NXPH1: variants seen among roughly 807,000 people sequenced by gnomAD.
NXPH1 encodes neurexophilin 1.
In NXPH1, 5 loss-of-function variants were observed where a neutral mutation model predicts 23.7. The observed-to-expected ratio is 0.21, with a 90% confidence interval of 0.11 to 0.44. The LOEUF (loss-of-function observed/expected upper bound fraction) is 0.44. NXPH1 is among the 20% of genes least tolerant of loss of function. NXPH1 has a pLI of 0.99. For synonymous variants in NXPH1, 144 were observed against 122.2 expected, an observed-to-expected ratio of 1.18 and a Z score of -1.18; for missense variants, 324 against 321.6, an observed-to-expected ratio of 1.01 and a Z score of -0.06.
At chr7:8,691,842 A>G (rs1484013822) in intron 2 of NXPH1, among the ~76,000 whole-genome samples, 1 of 152,222 alleles carries the variant, frequency 6.6e-6, no homozygotes, top group Non-Finnish European at 1.5e-5. Flanking sequence ...AACAGTTTAT[A>G]AACCATCAGA....
intron 2 of NXPH1, among the ~76,000 whole-genome samples, chr7:8,655,397 TCTTTCTCTCTCTCTCTCTCTCTC>T (rs1820558803): frequency 3.1e-4 from 3 of 9,550 alleles, no homozygotes. Context: ...TTTGTCTTTG[TCTTTCTCTCTCTCTCTCTCTCTC>T]TCTCTCTCTC....
intron 2 of NXPH1, among the ~76,000 whole-genome samples, chr7:8,514,364 T>A (rs1342815311): frequency 6.6e-6 from 1 of 152,154 alleles, no homozygotes; most frequent in Non-Finnish European, 1.5e-5. Flanking sequence ...ATTTAAAAAA[T>A]CCTCACTTCT....
intron 2 of NXPH1, among the ~76,000 whole-genome samples, chr7:8,507,528 C>A (rs1477164781): frequency 6.6e-6 from 1 of 152,024 alleles, no homozygotes; most frequent in East Asian, 1.9e-4. Context: ...GCATATACAT[C>A]AAAATCACTT....
At chr7:8,630,512 A>G (rs1820104087) in intron 2 of NXPH1, among the ~76,000 whole-genome samples, 1 of 152,162 alleles carries the variant, frequency 6.6e-6, no homozygotes, top group Non-Finnish European at 1.5e-5. Flanking sequence ...AAACAGAACT[A>G]AAGACAGTTG....
intron 2 of NXPH1, among the ~76,000 whole-genome samples, chr7:8,470,491 T>C (rs1245471939): frequency 1.3e-5 from 2 of 152,152 alleles, no homozygotes; most frequent in Admixed American, 1.3e-4. Flanking sequence ...TGAAGCTGAA[T>C]CACTTCTGAA....
Position 8,435,314 on chromosome 7 carries a change from C to A in NXPH1, c.-110-290C>A, listed in dbSNP as rs965679937. 3.5e-6 allele frequency: 1 copy of A among 287,528 alleles called. No individual in the cohort carries two copies. Among genetic ancestry groups the A allele is most frequent in the Non-Finnish European group, 6.6e-6 (1 of 150,838 alleles). 17.8% of individuals were successfully genotyped at this position (287,528 alleles called of 1,614,324 possible). A position where few individuals can be genotyped will look rare whatever the true frequency, so the allele number is the denominator to read the frequency against. On this transcript the variant is annotated intron_variant, in intron 1 of 2. Transcript: ENST00000405863. This position sits in a 1 kb window ranked among gnomAD's most constrained non-coding sequence, Gnocchi z 5.9. ...TGCCGGAGAAGCCTGGGCTCCGAAC[C>A]AGCCTGCACGCGGCTCAGTGTGCTC...
chr7:8,737,198 G>A (rs1376935987), intron 2 of NXPH1, among the ~76,000 whole-genome samples: 1 of 152,078 alleles, frequency 6.6e-6, no homozygotes, highest in Non-Finnish European at 1.5e-5. Context: ...TATTTTGCCT[G>A]TTACTTGATG....
At chr7:8,703,445 TG>T (rs2115191209) in intron 2 of NXPH1, among the ~76,000 whole-genome samples, 1 of 152,228 alleles carries the variant, frequency 6.6e-6, no homozygotes, top group Admixed American at 6.5e-5. Flanking sequence ...TCCTGCATAA[TG>T]GTATGCTTGT....
chr7:8,467,461 A>T (rs942516669), intron 2 of NXPH1, among the ~76,000 whole-genome samples: 7 of 152,140 alleles, frequency 4.6e-5, no homozygotes, highest in South Asian at 2.1e-4. Context: ...TCCCCTTAGG[A>T]CACTAATTTC....
chr7:8,604,073 TA>T (rs201582885), intron 2 of NXPH1, among the ~76,000 whole-genome samples: 26 of 149,324 alleles, frequency 1.7e-4, no homozygotes, highest in East Asian at 1.4e-3. Context: ...AGGAAAAAAA[TA>T]AAAAAAAAAG....
chr7:8,465,779 T>C (rs539201245), intron 2 of NXPH1, among the ~76,000 whole-genome samples: 1 of 152,322 alleles, frequency 6.6e-6, no homozygotes, highest in East Asian at 1.9e-4. Flanking sequence ...CACTTAGCAA[T>C]AGCTGGCTTC....
chr7:8,456,925 A>G (rs1191059952), intron 2 of NXPH1, among the ~76,000 whole-genome samples: 2 of 152,168 alleles, frequency 1.3e-5, no homozygotes, highest in Non-Finnish European at 2.9e-5. Flanking sequence ...ACTGCAGCCT[A>G]GATAAGGTCT....
At chr7:8,725,438 T>C (rs2349777) in intron 2 of NXPH1, among the ~76,000 whole-genome samples, 96,030 of 149,908 alleles carry the variant, frequency 0.64, 31,793 homozygotes, top group African/African-American at 0.82. Flanking sequence ...TGCAGTGAGC[T>C]GAGATCCAGC....
intron 2 of NXPH1, among the ~76,000 whole-genome samples, chr7:8,500,761 G>T (rs1053748760): frequency 1.3e-5 from 2 of 152,022 alleles, no homozygotes; most frequent in African/African-American, 4.8e-5. Context: ...GCAAAATACA[G>T]ATTCAACGTC....
chr7:8,465,396 C>G (rs1816770172), intron 2 of NXPH1, among the ~76,000 whole-genome samples: 1 of 152,052 alleles, frequency 6.6e-6, no homozygotes, highest in South Asian at 2.1e-4. Context: ...GATTAATTAC[C>G]TTTTATAAGG....
chr7:8,572,967 A>C (rs1480702524), intron 2 of NXPH1, among the ~76,000 whole-genome samples: 2 of 152,030 alleles, frequency 1.3e-5, no homozygotes, highest in African/African-American at 4.8e-5. Context: ...ATTAAAAGTA[A>C]TACATGCAGG....
Position 8,513,353 on chromosome 7 carries a change from T to C in NXPH1, c.54+77586T>C, listed in dbSNP as rs146087379. On this transcript the variant is annotated intron_variant, in intron 2 of 2. Transcript: ENST00000405863. ...CTGAATTCCCCACATCTTTAAAAAC[T>C]GAAGGGTTTTCTTAACTCATGTGGC... Among the ~76,000 whole-genome samples the C allele has an allele frequency of 8.3e-4, 127 of 152,252 alleles. 5 individuals are homozygous for C. In the East Asian group the frequency reaches 0.015, roughly 18 times the overall value.
chr7:8,665,457 T>C (rs1820745434), intron 2 of NXPH1, among the ~76,000 whole-genome samples: 1 of 152,046 alleles, frequency 6.6e-6, no homozygotes, highest in South Asian at 2.1e-4. Context: ...GTGATGCCTT[T>C]AGCTTTGTTC....
Position 8,615,651 on chromosome 7 carries a change from C to G in NXPH1, c.55-135357C>G, listed in dbSNP as rs138373031. On this transcript the variant is annotated intron_variant, in intron 2 of 2. Transcript: ENST00000405863. ...CCTGCCTGTCTCCCTTCCCTCTTTC[C>G]TTCTTTCCCTTTCCTTGCATTTATT... is the stretch of plus-strand genomic sequence containing the variant. 1.3e-5 allele frequency among the ~76,000 whole-genome samples: 2 copies of G among 152,034 alleles called. 1 individual carries two copies. The highest frequency in any genetic ancestry group is 4.2e-4 in the South Asian group (2 of 4,816).
Sources: gnomAD v4.1 joint callset for allele counts (sites outside exome capture counted in the v4.1 genomes callset) on GRCh38, gnomAD v4.1.1 for gene constraint, Gnocchi (gnomAD v3.1) non-coding constraint, MANE v1.5 for transcripts, NCBI Gene and HGNC (gene_info 2026-07-23, HGNC 2026-07-21) for gene names.